Variants in NREP observed in about 807,000 individuals in gnomAD.
The protein encoded by NREP is neuronal regeneration-related protein.
In NREP, 5 loss-of-function variants were observed where a neutral mutation model predicts 8.6. That is an observed-to-expected ratio of 0.58 (90% CI 0.30 to 1.22). The LOEUF (loss-of-function observed/expected upper bound fraction) is 1.22. Among genes scored for constraint, NREP ranks in the 50% most tolerant of loss-of-function variants. The pLI, the probability that NREP is intolerant of heterozygous loss-of-function variation, is 0.07. For missense variants in NREP, 86 were observed against 82.5 expected, an observed-to-expected ratio of 1.04 and a Z score of -0.17; for synonymous variants, 27 against 28.0, an observed-to-expected ratio of 0.96 and a Z score of 0.11.
intron 2 of NREP, among the ~76,000 whole-genome samples, chr5:111,790,607 A>G (rs796478305): frequency 4.6e-5 from 7 of 152,148 alleles, no homozygotes; most frequent in African/African-American, 1.7e-4. Flanking sequence ...AATAAGCATA[A>G]TTTTAAAAGG....
At chr5:111,824,239 G>A (rs899310846) in intron 2 of NREP, among the ~76,000 whole-genome samples, 5 of 152,060 alleles carry the variant, frequency 3.3e-5, no homozygotes, top group African/African-American at 1.2e-4. Context: ...CGTAGTGGTG[G>A]GCACCTGTAA....
At chr5:111,883,080 C>A (rs1291330887) in intron 2 of NREP, among the ~76,000 whole-genome samples, 3 of 152,156 alleles carry the variant, frequency 2.0e-5, no homozygotes, top group African/African-American at 7.2e-5. Flanking sequence ...TTCAGGAAAG[C>A]CATCTCACGT....
At chr5:111,746,774 G>T (rs1561643054) in intron 2 of NREP, among the ~76,000 whole-genome samples, 2 of 152,150 alleles carry the variant, frequency 1.3e-5, no homozygotes, top group Admixed American at 6.5e-5. Flanking sequence ...ATCCCCGGAA[G>T]TCTACTCAGG....
intron 2 of NREP, among the ~76,000 whole-genome samples, chr5:111,805,863 G>A (rs559793855): frequency 1.3e-4 from 20 of 152,056 alleles, no homozygotes; most frequent in African/African-American, 4.8e-4. Context: ...TGTACCGCAT[G>A]GCAATTATCA....
intron 2 of NREP, among the ~76,000 whole-genome samples, chr5:111,958,715 C>A (rs62370322): frequency 0.028 from 4,232 of 151,970 alleles, 92 homozygotes; most frequent in Middle Eastern, 0.099. Context: ...AAAAAAAATT[C>A]TCTAAATAAT....
chr5:111,896,290 A>C (rs984655397), intron 2 of NREP, among the ~76,000 whole-genome samples: 2 of 152,182 alleles, frequency 1.3e-5, no homozygotes, highest in Non-Finnish European at 1.5e-5. Context: ...GATTATAACG[A>C]AGTTTTGGTT....
chr5:111,892,419 G>A (rs538096330), intron 2 of NREP, among the ~76,000 whole-genome samples: 11 of 152,304 alleles, frequency 7.2e-5, no homozygotes, highest in African/African-American at 2.6e-4. Flanking sequence ...TGTACTAAAA[G>A]AGAGTCACTC....
chr5:111,973,098 T>C (rs1024304366), intron 2 of NREP, among the ~76,000 whole-genome samples: 1 of 152,210 alleles, frequency 6.6e-6, no homozygotes, highest in Non-Finnish European at 1.5e-5. Flanking sequence ...TGACCATTTA[T>C]GCTGTCATCT....
rs146680475 is a variant in NREP at position 111,905,206 on chromosome 5, T to C, written c.135+70068A>G. Among the ~76,000 whole-genome samples the C allele has an allele frequency of 2.0e-5, 3 of 152,272 alleles. No homozygotes were observed. The East Asian group carries it at 5.8e-4, about 29-fold the overall frequency. On this transcript the variant is annotated intron_variant, in intron 2 of 3. Transcript: ENST00000395634. ...CTCTACACATGGGTGTACCATAGTTTGTTTTCCATTCATTTGGGTAAGTAC... is the reference window on the plus strand; with the variant it reads ...CTCTACACATGGGTGTACCATAGTTCGTTTTCCATTCATTTGGGTAAGTAC...
At chr5:111,810,335 A>G (rs1056338068) in intron 2 of NREP, among the ~76,000 whole-genome samples, 2 of 152,132 alleles carry the variant, frequency 1.3e-5, no homozygotes, top group Admixed American at 6.5e-5. Context: ...CTATGAGATA[A>G]CCGGCTCACC....
intron 2 of NREP, among the ~76,000 whole-genome samples, chr5:111,879,990 T>C (rs935076954): frequency 6.6e-6 from 1 of 152,310 alleles, no homozygotes; most frequent in Non-Finnish European, 1.5e-5. Flanking sequence ...ACATATGAAT[T>C]TGGGGAGATA....
At chr5:111,896,596 C>T (rs1754516551) in intron 2 of NREP, among the ~76,000 whole-genome samples, 1 of 152,154 alleles carries the variant, frequency 6.6e-6, no homozygotes, top group African/African-American at 2.4e-5. Flanking sequence ...ACCATTTAAA[C>T]CGGAGTATCT....
chr5:111,927,449 C>T (rs1166126888), intron 2 of NREP, among the ~76,000 whole-genome samples: 1 of 152,080 alleles, frequency 6.6e-6, no homozygotes, highest in African/African-American at 2.4e-5. Flanking sequence ...GATAAGCGCT[C>T]TGTGGAAATG....
chr5:111,952,031 G>A (rs529558493), intron 2 of NREP, among the ~76,000 whole-genome samples: 1 of 152,164 alleles, frequency 6.6e-6, no homozygotes, highest in African/African-American at 2.4e-5. Context: ...CTATCACTCA[G>A]AATCTCTGTC....
At chr5:111,966,124 T>C (rs1756638650) in intron 2 of NREP, among the ~76,000 whole-genome samples, 1 of 152,042 alleles carries the variant, frequency 6.6e-6, no homozygotes, top group African/African-American at 2.4e-5. Flanking sequence ...AAGATTCAGA[T>C]CTCTCAGGAA....
chr5:111,819,347 T>C (rs1581140298), intron 2 of NREP, among the ~76,000 whole-genome samples: 1 of 152,124 alleles, frequency 6.6e-6, no homozygotes, highest in African/African-American at 2.4e-5. Flanking sequence ...GGTCCAACCC[T>C]AGCCAATAGG....
chr5:111,840,226 T>C (rs1752996185), intron 2 of NREP, among the ~76,000 whole-genome samples: 1 of 151,792 alleles, frequency 6.6e-6, no homozygotes, highest in Non-Finnish European at 1.5e-5. Flanking sequence ...GGCTCATGAC[T>C]CAAAAAAAAA....
At chr5:111,945,712 C>T (rs1386743103) in intron 2 of NREP, among the ~76,000 whole-genome samples, 1 of 151,786 alleles carries the variant, frequency 6.6e-6, no homozygotes, top group Non-Finnish European at 1.5e-5. Context: ...ATAGTTGGAT[C>T]CAGGGTCTTA....
In NREP at chr5:111,909,295, G is replaced by A. The variant is rs551534791; in HGVS notation, c.135+65979C>T. Among the ~76,000 whole-genome samples the A allele has an allele frequency of 1.3e-3, 202 of 152,150 alleles. 1 individual carries two copies. Among genetic ancestry groups the A allele is most frequent in the African/African-American group, 4.7e-3 (194 of 41,544 alleles). ...GATATAAAAAGAAGTCTAAGATGGT[G>A]CAAGAAGATGAACTTAGAGCTTAGC... On this transcript the variant is annotated intron_variant, in intron 2 of 3. Coordinates refer to the NREP transcript ENST00000395634.
Sources: allele counts gnomAD v4.1 joint callset (sites outside exome capture counted in the v4.1 genomes callset), GRCh38; gene constraint gnomAD v4.1.1; transcripts MANE v1.5; gene names NCBI Gene and HGNC (gene_info 2026-07-23, HGNC 2026-07-21).